CRACD: variants seen among roughly 807,000 people sequenced by gnomAD.
The protein encoded by CRACD is capping protein inhibiting regulator of actin dynamics.
Under a neutral mutation model 106.8 loss-of-function variants are expected in CRACD, and 56 were observed. The observed-to-expected ratio is 0.52, with a 90% confidence interval of 0.42 to 0.66. The LOEUF is 0.66. Ranked by LOEUF, CRACD falls within the 30% of genes least tolerant of loss-of-function variation. CRACD has a pLI of 0.00. For missense variants in CRACD, 1,730 were observed against 1,623.2 expected, an observed-to-expected ratio of 1.07 and a Z score of -1.13; for synonymous variants, 754 against 670.8, an observed-to-expected ratio of 1.12 and a Z score of -1.92.
chr4:56,197,232 G>A (rs1258131864), intron 2 of CRACD, among the ~76,000 whole-genome samples: 1 of 150,712 alleles, frequency 6.6e-6, no homozygotes, highest in Non-Finnish European at 1.5e-5. Context: ...GGAAACTGTC[G>A]ATGATTGGAT....
At chr4:56,190,048 C>G (rs1481007793) in intron 2 of CRACD, among the ~76,000 whole-genome samples, 1 of 147,362 alleles carries the variant, frequency 6.8e-6, no homozygotes, top group Non-Finnish European at 1.5e-5. Flanking sequence ...CAATTCCCAC[C>G]TATGAGTGAG....
chr4:56,264,107 G>A (rs115010566), intron 2 of CRACD, among the ~76,000 whole-genome samples: 2,213 of 152,204 alleles, frequency 0.015, 51 homozygotes, highest in African/African-American at 0.05. Context: ...GAGAGAGAGC[G>A]AAGGGGAAAA....
chr4:56,051,563 C>G (rs896402644), intron 1 of CRACD, among the ~76,000 whole-genome samples: 1 of 152,064 alleles, frequency 6.6e-6, no homozygotes, highest in African/African-American at 2.4e-5. Context: ...CCAGACATGG[C>G]GAGATTAAAT....
chr4:56,134,120 G>A (rs149331695), intron 1 of CRACD, among the ~76,000 whole-genome samples: 2 of 151,990 alleles, frequency 1.3e-5, no homozygotes, highest in African/African-American at 4.8e-5. Context: ...AGGATCACCT[G>A]AGCCCAGGAG....
chr4:56,084,468 A>G (rs751854350), intron 1 of CRACD, among the ~76,000 whole-genome samples: 1 of 152,194 alleles, frequency 6.6e-6, no homozygotes, highest in Non-Finnish European at 1.5e-5. Flanking sequence ...CTATTTTAAT[A>G]TAACATTCTA....
intron 3 of CRACD, among the ~76,000 whole-genome samples, chr4:56,286,525 C>CAAAAAAAAAAGAAAA (rs1743356354): frequency 1.1e-5 from 1 of 89,382 alleles, no homozygotes; most frequent in Non-Finnish European, 2.2e-5. Flanking sequence ...GACTCCGTCT[C>CAAAAAAAAAAGAAAA]AAAAAAAAAA....
intron 3 of CRACD, among the ~76,000 whole-genome samples, chr4:56,275,762 A>G (rs1742639509): frequency 6.6e-6 from 1 of 152,236 alleles, no homozygotes; most frequent in Non-Finnish European, 1.5e-5. Context: ...TCACAAAAGC[A>G]CAAAACTCAA....
intron 2 of CRACD, among the ~76,000 whole-genome samples, chr4:56,265,784 G>T (rs1400139045): frequency 6.6e-6 from 1 of 152,166 alleles, no homozygotes; most frequent in Non-Finnish European, 1.5e-5. Context: ...AGACATTTAT[G>T]ATGCTTAAAA....
intron 2 of CRACD, among the ~76,000 whole-genome samples, chr4:56,192,225 C>G (rs1227670229): frequency 6.6e-6 from 1 of 152,084 alleles, no homozygotes; most frequent in Non-Finnish European, 1.5e-5. Context: ...AACCCCATCT[C>G]TCCTAAAAAT....
At position 56,213,666 on chromosome 4, in the gene CRACD, C is replaced by T. The variant is rs371406630; in HGVS notation, c.-189+34236C>T. Among the ~76,000 whole-genome samples the T allele has an allele frequency of 5.9e-5, 9 of 152,260 alleles. No homozygotes were observed. The South Asian group carries it at 1.5e-3, about 25-fold the overall frequency. On this transcript the variant is annotated intron_variant, in intron 2 of 10. Coordinates refer to ENST00000682029, the MANE Select transcript of CRACD (RefSeq NM_001393381.1). The stretch of plus-strand genomic sequence containing the variant: ...GGTGCGGAAACAGCTGGATTGGTTA[C>T]AGTTTGGTGTTTGCCTTATTTCTGG...
Position 56,316,419 on chromosome 4 carries a change from C to A in CRACD, c.2917C>A (p.Pro973Thr). 1 of 1,614,180 alleles carries A rather than the reference C, an allele frequency of 6.2e-7. No individual in the cohort carries two copies. The change falls in exon 8 of 11, where the codon CCA (proline) becomes ACA (threonine). Residue 973 changes from proline (P) to threonine (T), a missense_variant. Pro to Thr is a conservative substitution (Grantham distance 38). This residue lies in a region of CRACD where 1,620 missense variants were observed against 1,481.6 expected (regional missense o/e 1.09). Transcript: ENST00000682029. ...LAPKPTSQTPPASPLSKLSRP... is the reference protein window; with the variant it reads ...LAPKPTSQTPTASPLSKLSRP... ...TCCCAAGCCCACCAGTCAGACCCCA[C>A]CAGCATCCCCACTTTCCAAACTGAG...
intron 2 of CRACD, among the ~76,000 whole-genome samples, chr4:56,264,445 A>ACCACATATG (rs1560508396): frequency 1.1e-5 from 1 of 87,838 alleles, no homozygotes; most frequent in Non-Finnish European, 2.8e-5. Flanking sequence ...TACCACATAT[A>ACCACATATG]CCACATATGC....
chr4:56,147,518 CATATA>C (rs1735430835), intron 1 of CRACD, among the ~76,000 whole-genome samples: 1 of 152,098 alleles, frequency 6.6e-6, no homozygotes, highest in Non-Finnish European at 1.5e-5. Flanking sequence ...TAAATGGGAT[CATATA>C]ATATGTGACC....
At chr4:56,135,434 G>A (rs373216568) in intron 1 of CRACD, among the ~76,000 whole-genome samples, 41 of 152,320 alleles carry the variant, frequency 2.7e-4, no homozygotes, top group African/African-American at 8.4e-4. Context: ...ACTAGGCCAG[G>A]TGGCATGACA....
intron 1 of CRACD, among the ~76,000 whole-genome samples, chr4:56,140,486 TAA>T (rs1735155542): frequency 6.6e-6 from 1 of 152,102 alleles, no homozygotes; most frequent in Non-Finnish European, 1.5e-5. Context: ...CACACATCAA[TAA>T]AGAGAAAACA....
chr4:56,073,547 G>T (rs34546346), intron 1 of CRACD, among the ~76,000 whole-genome samples: 3 of 151,904 alleles, frequency 2.0e-5, no homozygotes, highest in Non-Finnish European at 2.9e-5. Context: ...ACTTTTTGAT[G>T]GGGTTGTTTT....
At chr4:56,091,435 C>G (rs1034237485) in intron 1 of CRACD, among the ~76,000 whole-genome samples, 1 of 151,850 alleles carries the variant, frequency 6.6e-6, no homozygotes, top group Admixed American at 6.6e-5. Context: ...TCAGGGAACA[C>G]CACTTGCAAA....
Position 56,069,162 on chromosome 4 carries a change from G to A in CRACD, c.-336+19863G>A, listed in dbSNP as rs116506500. Among the ~76,000 whole-genome samples, 665 of 152,270 alleles carry A rather than the reference G, an allele frequency of 4.4e-3. 9 individuals are homozygous for A. The highest frequency in any genetic ancestry group is 0.015 in the African/African-American group (635 of 41,562). On this transcript the variant is annotated intron_variant, in intron 1 of 10. Coordinates refer to ENST00000682029, the MANE Select transcript of CRACD (RefSeq NM_001393381.1). The stretch of plus-strand genomic sequence containing the variant: ...GGAACTGTGGCCCCACTGACACCTC[G>A]ATTTCGGACTTTTGGCCTCCAGAAC...
intron 2 of CRACD, among the ~76,000 whole-genome samples, chr4:56,239,795 G>A (rs945408023): frequency 6.6e-6 from 1 of 152,044 alleles, no homozygotes; most frequent in Non-Finnish European, 1.5e-5. Flanking sequence ...CCCACCCCCT[G>A]CCCCAGACTC....
Sources: gnomAD v4.1 joint callset for allele counts (sites outside exome capture counted in the v4.1 genomes callset) on GRCh38, gnomAD v4.1.1 for gene constraint, gnomAD v4.1.1 regional missense constraint, MANE v1.5 for transcripts, NCBI Gene and HGNC (gene_info 2026-07-23, HGNC 2026-07-21) for gene names.